Variants in CNTN4 observed in about 807,000 individuals in gnomAD.
The protein encoded by CNTN4 is contactin-4.
CNTN4 carries 77 observed loss-of-function variants against 122.5 expected under a neutral mutation model. The observed-to-expected ratio is 0.63, with a 90% CI of 0.52 to 0.76. CNTN4 has a LOEUF of 0.76. CNTN4 is among the 30% of genes least tolerant of loss of function. The probability of loss-of-function intolerance (pLI) is 0.00; values close to 1 mark genes in which losing one functional copy is unlikely to be tolerated. For synonymous variants in CNTN4, 512 were observed against 447.0 expected (o/e 1.15, Z -1.83); for missense variants, 1,256 against 1,259.1 (o/e 1.00, Z 0.04).
At chr3:2,942,626 G>T (rs1383834525) in intron 13 of CNTN4, among the ~76,000 whole-genome samples, 2 of 152,174 alleles carry the variant, frequency 1.3e-5, no homozygotes, top group African/African-American at 2.4e-5. Flanking sequence ...GGTGAAGCTT[G>T]ATGTAAGGGT....
At chr3:2,455,165 G>C (rs1005137621) in intron 3 of CNTN4, among the ~76,000 whole-genome samples, 2 of 152,134 alleles carry the variant, frequency 1.3e-5, no homozygotes, top group Non-Finnish European at 2.9e-5. Context: ...TCCAGTAAAG[G>C]GCTGCCATTG....
chr3:2,190,837 CACACACACACAT>C (rs2037502798), intron 2 of CNTN4, among the ~76,000 whole-genome samples: 1 of 136,836 alleles, frequency 7.3e-6, no homozygotes. Context: ...CACACACATA[CACACACACACAT>C]AAATATATAT....
At chr3:2,138,048 C>A (rs970362517) in intron 2 of CNTN4, among the ~76,000 whole-genome samples, 7 of 151,872 alleles carry the variant, frequency 4.6e-5, no homozygotes, top group Admixed American at 4.6e-4. Flanking sequence ...GTGATCACCT[C>A]CCAATATTCT....
At chr3:2,413,101 G>A (rs1387593037) in intron 3 of CNTN4, among the ~76,000 whole-genome samples, 2 of 152,144 alleles carry the variant, frequency 1.3e-5, no homozygotes, top group African/African-American at 4.8e-5. Context: ...TCGTTAAAAT[G>A]TACTATGTAG....
At chr3:2,932,005 C>T (rs562095156) in intron 13 of CNTN4, among the ~76,000 whole-genome samples, 38 of 151,806 alleles carry the variant, frequency 2.5e-4, no homozygotes, top group African/African-American at 8.7e-4. Context: ...TCGTAAATTC[C>T]ATGAGAATAG....
At chr3:2,102,511 T>C (rs940123215) in intron 2 of CNTN4, among the ~76,000 whole-genome samples, 1 of 152,166 alleles carries the variant, frequency 6.6e-6, no homozygotes, top group Non-Finnish European at 1.5e-5. Flanking sequence ...GTGAAATATA[T>C]TTATTTCTCG....
At position 2,739,578 on chromosome 3, in the gene CNTN4, G is replaced by A. The variant is rs183805870; in HGVS notation, c.182+3237G>A. On this transcript the variant is annotated intron_variant, in intron 5 of 24. Transcript: ENST00000418658. ...ATTTGAAAGTGGTTGAGATGGAGTGGTTGTTCAAGGTATAGAGGAAGTAAC... is the reference window on the plus strand; with the variant it reads ...ATTTGAAAGTGGTTGAGATGGAGTGATTGTTCAAGGTATAGAGGAAGTAAC... 1.1e-3 allele frequency among the ~76,000 whole-genome samples: 160 copies of A among 150,744 alleles called. 1 individual carries two copies. Among genetic ancestry groups the A allele is most frequent in the African/African-American group, 3.7e-3 (153 of 41,310 alleles).
At chr3:2,314,365 G>A (rs1217840107) in intron 2 of CNTN4, among the ~76,000 whole-genome samples, 1 of 151,870 alleles carries the variant, frequency 6.6e-6, no homozygotes, top group Non-Finnish European at 1.5e-5. Context: ...ATTTTTTAAT[G>A]AAATGTTTAT....
At chr3:2,379,038 A>G (rs943936308) in intron 3 of CNTN4, among the ~76,000 whole-genome samples, 1 of 152,142 alleles carries the variant, frequency 6.6e-6, no homozygotes, top group Non-Finnish European at 1.5e-5. Context: ...GTCAAATACA[A>G]TGCTCGTGTC....
At chr3:2,966,396 GC>G (rs1396561271) in intron 13 of CNTN4, among the ~76,000 whole-genome samples, 10 of 152,084 alleles carry the variant, frequency 6.6e-5, no homozygotes, top group Admixed American at 6.5e-4. Context: ...GACAAATTTT[GC>G]ACGTTCTCAC....
intron 10 of CNTN4, among the ~76,000 whole-genome samples, chr3:2,895,768 C>G (rs909615105): frequency 2.0e-5 from 3 of 152,226 alleles, no homozygotes; most frequent in Admixed American, 6.5e-5. Context: ...GGCGCAGTGG[C>G]TCACGCCTGT....
At chr3:2,522,913 T>A (rs1281547794) in intron 3 of CNTN4, among the ~76,000 whole-genome samples, 1 of 152,142 alleles carries the variant, frequency 6.6e-6, no homozygotes, top group African/African-American at 2.4e-5. Flanking sequence ...AGTACTAGAT[T>A]GATAGCTCTG....
At chr3:2,648,825 G>A (rs1375827453) in intron 4 of CNTN4, among the ~76,000 whole-genome samples, 1 of 152,212 alleles carries the variant, frequency 6.6e-6, no homozygotes, top group Non-Finnish European at 1.5e-5. Flanking sequence ...GCGCCAAATG[G>A]TTGGCTAAGT....
intron 4 of CNTN4, among the ~76,000 whole-genome samples, chr3:2,596,941 G>A (rs2149706504): frequency 6.6e-6 from 1 of 152,114 alleles, no homozygotes; most frequent in Admixed American, 6.5e-5. Flanking sequence ...TAGATATTAA[G>A]TAAAAACATC....
chr3:2,393,083 T>G (rs1465121560), intron 3 of CNTN4, among the ~76,000 whole-genome samples: 2 of 152,212 alleles, frequency 1.3e-5, no homozygotes, highest in African/African-American at 4.8e-5. Flanking sequence ...TGTGAGCCAC[T>G]GTTCCATCCT....
At position 2,866,873 on chromosome 3, in the gene CNTN4, T is replaced by C. The variant is rs2093729823; in HGVS notation, c.576T>C (p.Tyr192=). Residue 192 remains tyrosine (Y), a synonymous_variant, in exon 8 of 25, where the codon TAT becomes TAC. Coordinates refer to ENST00000418658, the MANE Select transcript of CNTN4 (RefSeq NM_175607.3). ...TAGAAAAATCAGATGTTGGGAATTA[T>C]ACCTGTGTGGTTACCAATACCGTGA... ...AKVEKSDVGN[Y]TCVVTNTVTN... 1.2e-6 allele frequency: 2 copies of C among 1,614,068 alleles called. No individual in the cohort carries two copies. The highest frequency in any genetic ancestry group is 2.2e-5 in the East Asian group (1 of 44,874).
intron 7 of CNTN4, among the ~76,000 whole-genome samples, chr3:2,842,520 T>C (rs2093380808): frequency 6.6e-6 from 1 of 152,162 alleles, no homozygotes; most frequent in Non-Finnish European, 1.5e-5. Context: ...TGCTTTAAAC[T>C]AGTAAGAAAC....
At chr3:2,643,301 C>T (rs904919991) in intron 4 of CNTN4, among the ~76,000 whole-genome samples, 5 of 152,070 alleles carry the variant, frequency 3.3e-5, no homozygotes, top group African/African-American at 1.2e-4. Context: ...AGCCTCCAGA[C>T]TGGCTGCAAC....
chr3:2,496,405 A>G (rs940259472), intron 3 of CNTN4, among the ~76,000 whole-genome samples: 1 of 152,200 alleles, frequency 6.6e-6, no homozygotes, highest in Non-Finnish European at 1.5e-5. Context: ...TTCAGAAGCA[A>G]TGGGGAAACA....
Sources: allele counts gnomAD v4.1 joint callset (sites outside exome capture counted in the v4.1 genomes callset), GRCh38; gene constraint gnomAD v4.1.1; transcripts MANE v1.5; gene names NCBI Gene and HGNC (gene_info 2026-07-23, HGNC 2026-07-21).